Variants in PCDH9 observed in about 807,000 individuals in gnomAD.
PCDH9 encodes the protein protocadherin-9.
Under a neutral mutation model 70.6 loss-of-function variants are expected in PCDH9, and 24 were observed. That is an observed-to-expected ratio of 0.34 (90% confidence interval 0.25 to 0.48). The LOEUF (loss-of-function observed/expected upper bound fraction) is 0.48. PCDH9 is among the 20% of genes least tolerant of loss of function. PCDH9 has a pLI of 0.99. For missense variants in PCDH9, 1,281 were observed against 1,503.6 expected (o/e 0.85, Z 2.45); for synonymous variants, 562 against 558.5 (o/e 1.01, Z -0.09).
intron 3 of PCDH9, among the ~76,000 whole-genome samples, chr13:66,731,428 T>C (rs1481970409): frequency 1.3e-5 from 2 of 152,168 alleles, no homozygotes; most frequent in African/African-American, 4.8e-5. Flanking sequence ...TACTTGTGAT[T>C]AAAGAGTTCT....
chr13:66,345,373 AT>A (rs999256376), intron 4 of PCDH9, among the ~76,000 whole-genome samples: 13 of 151,432 alleles, frequency 8.6e-5, no homozygotes, highest in African/African-American at 2.9e-4. Flanking sequence ...TAATGAGGTA[AT>A]TTTTTTTTCC....
At chr13:66,454,983 A>G (rs1958289716) in intron 4 of PCDH9, among the ~76,000 whole-genome samples, 1 of 152,106 alleles carries the variant, frequency 6.6e-6, no homozygotes. Context: ...CTATGTAGGA[A>G]AGCATTTTAT....
At chr13:66,907,256 T>G (rs545298459) in intron 2 of PCDH9, among the ~76,000 whole-genome samples, 20 of 152,016 alleles carry the variant, frequency 1.3e-4, no homozygotes, top group Non-Finnish European at 2.5e-4. Flanking sequence ...ACCAAAAAAT[T>G]TTACTGTTTG....
chr13:66,597,851 C>T (rs2077122022), intron 4 of PCDH9, among the ~76,000 whole-genome samples: 1 of 151,054 alleles, frequency 6.6e-6, no homozygotes, highest in African/African-American at 2.4e-5. Context: ...GATTGAAATC[C>T]AAAATATATA....
chr13:66,424,573 GTC>G (rs1957633873), intron 4 of PCDH9, among the ~76,000 whole-genome samples: 1 of 151,902 alleles, frequency 6.6e-6, no homozygotes, highest in South Asian at 2.1e-4. Flanking sequence ...TAAAGTAAAA[GTC>G]TGTATAGCTG....
chr13:66,412,039 C>T (rs1957379859), intron 4 of PCDH9, among the ~76,000 whole-genome samples: 1 of 152,162 alleles, frequency 6.6e-6, no homozygotes, highest in Admixed American at 6.5e-5. Context: ...CAACTAATTA[C>T]CTGCTGTTGA....
chr13:66,779,871 A>ATGTGTG (rs1451103072), intron 3 of PCDH9, among the ~76,000 whole-genome samples: 32 of 18,842 alleles, frequency 1.7e-3, no homozygotes, highest in Admixed American at 7.4e-3. Context: ...ATATATACAT[A>ATGTGTG]TATGTGTGTG....
intron 3 of PCDH9, among the ~76,000 whole-genome samples, chr13:66,836,536 G>A (rs1309852430): frequency 6.6e-6 from 1 of 152,066 alleles, no homozygotes; most frequent in East Asian, 1.9e-4. Context: ...CTTAACAGGA[G>A]CAGAAGTTAA....
chr13:67,077,330 T>A (rs1202013478), intron 2 of PCDH9, among the ~76,000 whole-genome samples: 2 of 152,182 alleles, frequency 1.3e-5, no homozygotes, highest in Non-Finnish European at 2.9e-5. Context: ...GATTCCTTTG[T>A]TATTTTGCCT....
At chr13:66,728,925 T>G (rs1471508060) in intron 3 of PCDH9, among the ~76,000 whole-genome samples, 3 of 152,158 alleles carry the variant, frequency 2.0e-5, no homozygotes, top group Non-Finnish European at 4.4e-5. Context: ...ATTTTTATTC[T>G]TTCACATAGT....
intron 2 of PCDH9, among the ~76,000 whole-genome samples, chr13:66,940,773 A>G (rs2082994920): frequency 8.1e-6 from 1 of 123,860 alleles, no homozygotes; most frequent in African/African-American, 3.1e-5. Flanking sequence ...AAAATGTCAA[A>G]AAAGAGGAAA....
At chr13:66,401,739 G>A (rs1957191525) in intron 4 of PCDH9, among the ~76,000 whole-genome samples, 1 of 150,334 alleles carries the variant, frequency 6.7e-6, no homozygotes, top group Admixed American at 6.7e-5. Context: ...TCTAGATCTG[G>A]ATTGCATACC....
chr13:67,170,763 A>G (rs1026644005), intron 2 of PCDH9, among the ~76,000 whole-genome samples: 4 of 152,058 alleles, frequency 2.6e-5, no homozygotes, highest in Non-Finnish European at 4.4e-5. Flanking sequence ...TGCCGCTACT[A>G]AAAATACAAA....
At chr13:66,820,668 A>G (rs2080695187) in intron 3 of PCDH9, among the ~76,000 whole-genome samples, 2 of 152,236 alleles carry the variant, frequency 1.3e-5, no homozygotes, top group Admixed American at 6.5e-5. Context: ...CTATGCAGCC[A>G]TAAAAAAGAA....
At chr13:66,320,984 G>A (rs1214510581) in intron 4 of PCDH9, among the ~76,000 whole-genome samples, 1 of 151,922 alleles carries the variant, frequency 6.6e-6, no homozygotes, top group African/African-American at 2.4e-5. Flanking sequence ...CTAAAGCCTG[G>A]CTTCTTGGTA....
At chr13:66,780,628 T>G (rs1265344188) in intron 3 of PCDH9, among the ~76,000 whole-genome samples, 5 of 152,122 alleles carry the variant, frequency 3.3e-5, no homozygotes, top group African/African-American at 1.2e-4. Flanking sequence ...TCCACTTTAC[T>G]CCCTAGTCAA....
intron 4 of PCDH9, among the ~76,000 whole-genome samples, chr13:66,523,312 A>G (rs1423347551): frequency 1.3e-5 from 2 of 152,066 alleles, no homozygotes; most frequent in Non-Finnish European, 2.9e-5. Flanking sequence ...GAGTAACCCT[A>G]CAGAATAGGC....
chr13:66,861,495 TTC>T (rs2081483902), intron 3 of PCDH9, among the ~76,000 whole-genome samples: 1 of 152,314 alleles, frequency 6.6e-6, no homozygotes, highest in South Asian at 2.1e-4. Flanking sequence ...TCTCATCTGA[TTC>T]TCTCTCCTTT....
chr13:67,108,977 T>C (rs1352182266), intron 2 of PCDH9, among the ~76,000 whole-genome samples: 3 of 152,202 alleles, frequency 2.0e-5, no homozygotes, highest in African/African-American at 7.2e-5. Context: ...ATTCAGTCAA[T>C]TTTAGTCAAA....
Sources: allele counts gnomAD v4.1 joint callset (sites outside exome capture counted in the v4.1 genomes callset), GRCh38; gene constraint gnomAD v4.1.1; transcripts MANE v1.5; gene names NCBI Gene and HGNC (gene_info 2026-07-23, HGNC 2026-07-21).